The following PAM variants were observed in gnomAD, a reference collection of about 807,000 sequenced individuals.
PAM encodes the protein peptidyl-glycine alpha-amidating monooxygenase.
In PAM, 72 loss-of-function variants were observed where a neutral mutation model predicts 122.1. The ratio of observed to expected loss-of-function variants is 0.59; its 90% CI spans 0.49 to 0.72. The LOEUF (loss-of-function observed/expected upper bound fraction) is 0.72. Among genes scored for constraint, PAM ranks in the 30% least tolerant of loss-of-function variants. The pLI is 0.00. For missense variants in PAM, 1,106 were observed against 1,183.7 expected (o/e 0.93, Z 0.96); for synonymous variants, 389 against 404.4 (o/e 0.96, Z 0.46).
chr5:102,880,882 A>C (rs1012748183), intron 3 of PAM, among the ~76,000 whole-genome samples: 5 of 152,136 alleles, frequency 3.3e-5, no homozygotes, highest in South Asian at 2.1e-4. Flanking sequence ...AATGTCCTTT[A>C]AAATAAACTC....
intron 1 of PAM, among the ~76,000 whole-genome samples, chr5:102,767,010 T>C (rs1754307786): frequency 6.7e-6 from 1 of 149,588 alleles, no homozygotes; most frequent in Non-Finnish European, 1.5e-5. Context: ...TTTCTTTTCT[T>C]TGTCTGTAAA....
At chr5:102,905,828 A>G (rs1399029569) in intron 4 of PAM, among the ~76,000 whole-genome samples, 1 of 151,714 alleles carries the variant, frequency 6.6e-6, no homozygotes, top group East Asian at 1.9e-4. Context: ...TTTCAAACAT[A>G]AATAATGAGT....
At chr5:102,893,567 A>G (rs1795335214) in intron 3 of PAM, among the ~76,000 whole-genome samples, 2 of 151,870 alleles carry the variant, frequency 1.3e-5, no homozygotes, top group South Asian at 4.1e-4. Flanking sequence ...CATCTACTTT[A>G]ACATTGTAGT....
intron 4 of PAM, among the ~76,000 whole-genome samples, chr5:102,908,920 G>C (rs1210880260): frequency 1.3e-5 from 2 of 151,586 alleles, no homozygotes; most frequent in African/African-American, 4.8e-5. Context: ...ACATTTCTCT[G>C]TACCTTTTTG....
intron 1 of PAM, among the ~76,000 whole-genome samples, chr5:102,759,294 G>A (rs1751625448): frequency 6.6e-6 from 1 of 152,112 alleles, no homozygotes; most frequent in Admixed American, 6.5e-5. Flanking sequence ...AATACATGAA[G>A]ACCTGAAGCA....
intron 12 of PAM, among the ~76,000 whole-genome samples, chr5:102,955,183 A>T (rs541620295): frequency 6.6e-6 from 1 of 152,164 alleles, no homozygotes; most frequent in Non-Finnish European, 1.5e-5. Context: ...TGCGGTATAG[A>T]CATGGAATAC....
chr5:102,989,822 A>AGATAGATAGATAGATAGAT (rs1562157469), intron 15 of PAM: 7 of 151,584 alleles, frequency 4.6e-5, no homozygotes, highest in African/African-American at 1.7e-4. Flanking sequence ...ATAGATAGAT[A>AGATAGATAGATAGATAGAT]GATAGATAGA....
chr5:102,920,135 C>G (rs1198905355), intron 5 of PAM, among the ~76,000 whole-genome samples: 1 of 151,912 alleles, frequency 6.6e-6, no homozygotes, highest in African/African-American at 2.4e-5. Flanking sequence ...AATGATGTAA[C>G]CTGTATTGGT....
At chr5:102,917,497 G>C (rs1281616132) in intron 5 of PAM, among the ~76,000 whole-genome samples, 3 of 152,030 alleles carry the variant, frequency 2.0e-5, no homozygotes, top group African/African-American at 7.3e-5. Flanking sequence ...CACACTCTAG[G>C]GAAACTTATA....
Position 103,029,053 on chromosome 5 carries a change from T to G in PAM, c.2910T>G (p.Pro970=). ...CAGCACCTCTGCCTGCGCTCGCACC[T>G]TCCTCCTCCTGAAAACCAAGCTTTG... ...EYSAPLPALA[P]SSS Residue 970 remains proline, a synonymous_variant, in exon 26 of 26, where the codon CCT becomes CCG. Transcript: ENST00000438793. The G allele has an allele frequency of 3.7e-6, 6 of 1,602,680 alleles. No homozygotes were observed. Among genetic ancestry groups the G allele is most frequent in the Non-Finnish European group, 5.1e-6 (6 of 1,176,716 alleles).
chr5:102,827,237 G>A (rs1773928952), intron 1 of PAM, among the ~76,000 whole-genome samples: 1 of 152,098 alleles, frequency 6.6e-6, no homozygotes, highest in South Asian at 2.1e-4. Flanking sequence ...AGTACTGACA[G>A]CTCAAAGGAG....
At chr5:102,953,060 T>A (rs1257257735) in intron 12 of PAM, among the ~76,000 whole-genome samples, 1 of 152,182 alleles carries the variant, frequency 6.6e-6, no homozygotes, top group Non-Finnish European at 1.5e-5. Flanking sequence ...ACATAGAAAC[T>A]AGGTTTTACA....
chr5:103,009,878 CAT>C lies in PAM; in HGVS notation c.2331+13_2331+14del, dbSNP rs1367325753. On this transcript the variant is annotated intron_variant, in intron 21 of 25. Transcript: ENST00000438793. ...AGCCAGTGCGCAAGGTATTTACACACATTGTCTAGGTTTCAATTTTCATGAGA... is the reference window on the plus strand; with the variant it reads ...AGCCAGTGCGCAAGGTATTTACACACTGTCTAGGTTTCAATTTTCATGAGA... 5 of 1,368,266 alleles carry C rather than the reference CAT, an allele frequency of 3.7e-6. No individual in the cohort carries two copies. Among genetic ancestry groups the C allele is most frequent in the South Asian group, 1.3e-5 (1 of 78,760 alleles). 84.8% of individuals were successfully genotyped at this position (1,368,266 alleles called of 1,614,324 possible).
chr5:102,779,835 A>G (rs1055812879), intron 1 of PAM, among the ~76,000 whole-genome samples: 7 of 145,442 alleles, frequency 4.8e-5, no homozygotes, highest in African/African-American at 7.7e-5. Flanking sequence ...CAGACGGCCT[A>G]TTGTGGGACC....
At chr5:102,949,713 C>T (rs1451042151) in intron 10 of PAM, 96 bp downstream of exon 10, 1 of 762,354 alleles carries the variant, frequency 1.3e-6, no homozygotes, top group Non-Finnish European at 2.3e-6. Flanking sequence ...AAGTCTGTTT[C>T]AATGAAAGTG....
chr5:102,900,365 A>G (rs114619634), intron 3 of PAM, among the ~76,000 whole-genome samples: 2,523 of 151,598 alleles, frequency 0.017, 78 homozygotes, highest in African/African-American at 0.057. Flanking sequence ...TGCTGAAATG[A>G]GAAGAAAATG....
At chr5:102,961,619 A>G (rs1488570152) in intron 14 of PAM, among the ~76,000 whole-genome samples, 1 of 151,876 alleles carries the variant, frequency 6.6e-6, no homozygotes, top group African/African-American at 2.4e-5. Flanking sequence ...TTGAGATTCA[A>G]GAAAAAAAGA....
chr5:102,997,089 T>C (rs1775918257), intron 16 of PAM, among the ~76,000 whole-genome samples: 1 of 152,150 alleles, frequency 6.6e-6, no homozygotes, highest in Non-Finnish European at 1.5e-5. Flanking sequence ...GTAGCTAGTC[T>C]TAAGCAAACA....
chr5:102,841,698 A>G (rs1778682222), intron 1 of PAM, among the ~76,000 whole-genome samples: 3 of 152,206 alleles, frequency 2.0e-5, no homozygotes, highest in Admixed American at 2.0e-4. Flanking sequence ...ATTTTGTCAT[A>G]ATCAAAATCT....
Sources: gnomAD v4.1 joint callset for allele counts (sites outside exome capture counted in the v4.1 genomes callset) on GRCh38, gnomAD v4.1.1 for gene constraint, MANE v1.5 for transcripts, NCBI Gene and HGNC (gene_info 2026-07-23, HGNC 2026-07-21) for gene names.